The following PIK3R4 variants were observed in gnomAD, a reference collection of about 807,000 sequenced individuals.
PIK3R4 encodes the protein phosphoinositide 3-kinase regulatory subunit 4.
A neutral mutation model predicts 136.5 loss-of-function variants in PIK3R4; 46 were observed. The ratio of observed to expected loss-of-function variants is 0.34; its 90% CI spans 0.27 to 0.43. The LOEUF is 0.43. Ranked by LOEUF, PIK3R4 falls within the 20% of genes least tolerant of loss-of-function variation. PIK3R4 has a pLI of 1.00. For missense variants in PIK3R4, 1,331 were observed against 1,649.5 expected (o/e 0.81, Z 3.35); for synonymous variants, 557 against 566.7 (o/e 0.98, Z 0.24).
chr3:130,690,607 G>A lies in PIK3R4; in HGVS notation c.3146C>T (p.Thr1049Ile). The A allele has an allele frequency of 1.9e-6, 3 of 1,611,256 alleles. No homozygotes were observed. The highest frequency in any genetic ancestry group is 2.5e-6 in the Non-Finnish European group (3 of 1,177,658). The change falls in exon 14 of 20, where the codon ACA becomes ATA. Residue 1049 changes from threonine (T) to isoleucine (I), a missense_variant. This residue lies in a region of PIK3R4 where 1,180 missense variants were observed against 1,407.0 expected (regional missense o/e 0.84). Transcript: ENST00000356763. ...TAAATAGTGGGAGCCTTGGCAGAAT[G>A]TGAGCGTCTTGACTCGTCCTCCAAT... is the stretch of plus-strand genomic sequence containing the variant. ...SRIGGRVKTL[T>I]FCQGSHYLAI...
Position 130,716,514 on chromosome 3 carries a change from A to G in PIK3R4, c.2213T>C (p.Ile738Thr), listed in dbSNP as rs758699611. Residue 738 changes from isoleucine to threonine, a missense_variant, in exon 9 of 20, where the codon ATT (isoleucine) becomes ACT (threonine). By Grantham distance (89) the Ile-to-Thr change is moderately conservative. Coordinates refer to ENST00000356763, the MANE Select transcript of PIK3R4 (RefSeq NM_014602.3). The stretch of plus-strand genomic sequence containing the variant: ...GTGAAGATGTCTGAACAAGCTAGTA[A>G]TATCTTTAGACCTCAAAGCATAATC... ...IFDYALRSKD[I>T]TSLFRHLHMR... The G allele has an allele frequency of 1.9e-6, 3 of 1,613,902 alleles. No homozygotes were observed. The highest frequency in any genetic ancestry group is 2.2e-5 in the East Asian group (1 of 44,874).
At chr3:130,742,829 T>A (rs2066831703) in intron 2 of PIK3R4, among the ~76,000 whole-genome samples, 1 of 152,200 alleles carries the variant, frequency 6.6e-6, no homozygotes, top group African/African-American at 2.4e-5. Context: ...TCTATCAGAG[T>A]ACCACTCTCA....
chr3:130,717,782 C>T lies in PIK3R4; in HGVS notation c.2127+607G>A, dbSNP rs539794654. Among the ~76,000 whole-genome samples the T allele has an allele frequency of 4.1e-4, 62 of 152,252 alleles. 1 individual carries two copies. The highest frequency in any genetic ancestry group is 1.0e-3 in the African/African-American group (42 of 41,548). On this transcript the variant is annotated intron_variant, in intron 8 of 19. Coordinates refer to ENST00000356763, the MANE Select transcript of PIK3R4 (RefSeq NM_014602.3). ...TGTTTTAACAGCTAGAATCGTCCTTCGCCATTTCAATCCATTTAATGCCTA... is the reference window on the plus strand; with the variant it reads ...TGTTTTAACAGCTAGAATCGTCCTTTGCCATTTCAATCCATTTAATGCCTA...
intron 13 of PIK3R4, among the ~76,000 whole-genome samples, chr3:130,692,096 C>T (rs1251892964): frequency 1.3e-5 from 2 of 151,816 alleles, no homozygotes; most frequent in East Asian, 1.9e-4. Flanking sequence ...AGAATGGTCT[C>T]GATCTCCCAA....
chr3:130,709,275 A>T (rs2066621987), intron 9 of PIK3R4, among the ~76,000 whole-genome samples: 1 of 152,168 alleles, frequency 6.6e-6, no homozygotes, highest in East Asian at 1.9e-4. Flanking sequence ...TATTCTGGTA[A>T]ATGTGGCAGC....
chr3:130,712,049 T>G (rs886307355), intron 9 of PIK3R4, among the ~76,000 whole-genome samples: 2 of 152,182 alleles, frequency 1.3e-5, no homozygotes, highest in African/African-American at 4.8e-5. Flanking sequence ...TGTAGATGGA[T>G]CTAATGAAAA....
intron 13 of PIK3R4, among the ~76,000 whole-genome samples, chr3:130,698,903 T>C (rs1282202091): frequency 1.3e-5 from 2 of 152,252 alleles, no homozygotes; most frequent in East Asian, 3.8e-4. Flanking sequence ...ACCTAATAAC[T>C]GGCAGGTATT....
At position 130,737,475 on chromosome 3, in the gene PIK3R4, C is replaced by T. The variant is rs150012802; in HGVS notation, c.734-1473G>A. ...AGGAGTTCGAGACCAGCCTGGCCAACACAGTGAAACCCTATCTCTACTGAA... is the reference window on the plus strand; with the variant it reads ...AGGAGTTCGAGACCAGCCTGGCCAATACAGTGAAACCCTATCTCTACTGAA... On this transcript the variant is annotated intron_variant, in intron 2 of 19. Transcript: ENST00000356763. Among the ~76,000 whole-genome samples, 1,286 of 152,278 alleles carry T rather than the reference C, an allele frequency of 8.4e-3. 19 individuals carry two copies. The highest frequency in any genetic ancestry group is 0.052 in the East Asian group (269 of 5,180).
intron 9 of PIK3R4, among the ~76,000 whole-genome samples, chr3:130,715,571 G>A (rs190610549): frequency 1.3e-5 from 2 of 152,122 alleles, no homozygotes; most frequent in Admixed American, 6.5e-5. Flanking sequence ...TTTGAAAAGT[G>A]TCTATTCATA....
chr3:130,684,194 A>G, intron 16 of PIK3R4, 56 bp downstream of exon 16: 1 of 1,523,782 alleles, frequency 6.6e-7, no homozygotes, highest in Non-Finnish European at 9.1e-7. Flanking sequence ...GCAACAGGTT[A>G]TTATGTACTT....
Position 130,709,503 on chromosome 3 carries a change from T to C in PIK3R4, c.2332-1011A>G, listed in dbSNP as rs117948149. Among the ~76,000 whole-genome samples the C allele has an allele frequency of 7.3e-4, 111 of 152,246 alleles. 4 individuals carry two copies. The East Asian group carries it at 0.015, about 21-fold the overall frequency. ...CTAAAAAACATGAAATAAAATTGCA[T>C]TAAAGTACAATAATAATAGACATAT... On this transcript the variant is annotated intron_variant, in intron 9 of 19. Transcript: ENST00000356763.
chr3:130,711,592 T>C (rs562861568), intron 9 of PIK3R4, among the ~76,000 whole-genome samples: 1 of 152,352 alleles, frequency 6.6e-6, no homozygotes, highest in South Asian at 2.1e-4. Flanking sequence ...TTGGGAACAG[T>C]GCAAGACCTC....
rs142221777 is a variant in PIK3R4, at chr3:130,681,087, G to A, written c.3709-22C>T. 259 of 1,309,030 alleles carry A rather than the reference G, an allele frequency of 2.0e-4. 2 individuals are homozygous for A. In the East Asian group the frequency reaches 5.8e-3, roughly 29 times the overall value. The allele number at this position is 1,309,030 out of a possible 1,614,324, so 81.1% of individuals were successfully genotyped here. A position where few individuals can be genotyped will look rare whatever the true frequency, so the allele number is the denominator to read the frequency against. On this transcript the variant is annotated intron_variant, in intron 17 of 19. Transcript: ENST00000356763. The stretch of plus-strand genomic sequence containing the variant: ...AAGGCTTAAAAGAAATAGATGTGGA[G>A]TCAAATAAAAGACATCCGTGTATTC...
chr3:130,709,771 C>T (rs2066624727), intron 9 of PIK3R4, among the ~76,000 whole-genome samples: 1 of 152,076 alleles, frequency 6.6e-6, no homozygotes, highest in Non-Finnish European at 1.5e-5. Flanking sequence ...AGAAGCCAGA[C>T]ACAGAAGGCC....
intron 15 of PIK3R4, among the ~76,000 whole-genome samples, chr3:130,685,846 A>G (rs933743074): frequency 1.3e-5 from 2 of 152,166 alleles, no homozygotes; most frequent in Admixed American, 6.5e-5. Flanking sequence ...GCCTAAAGCT[A>G]TTGGAATTTA....
intron 6 of PIK3R4, 126 bp downstream of exon 6, chr3:130,728,337 C>T (rs2066744288): frequency 1.5e-6 from 1 of 652,196 alleles, no homozygotes. Flanking sequence ...AGCATGAAGA[C>T]AGAAATACTA....
intron 14 of PIK3R4, among the ~76,000 whole-genome samples, chr3:130,690,229 G>GC (rs1231748108): frequency 6.6e-6 from 1 of 152,128 alleles, no homozygotes; most frequent in Non-Finnish European, 1.5e-5. Context: ...GTTCAAAGCT[G>GC]CCCCTTTGAC....
rs1559818220 is a variant in PIK3R4 at position 130,680,658 on chromosome 3, A to T, written c.3861T>A (p.Ser1287=). The change falls in exon 19 of 20, where the codon TCT becomes TCA. Residue 1287 remains serine (S), a synonymous_variant. Transcript: ENST00000356763. ...YVVAGSTSSP[S]VSYYRKIIEG... is the part of the protein sequence containing the mutation. ...CAATTATTTTCCTGTAGTAGGACAC[A>T]GATGGGGAACTAGTACTTCCTGCAA... 1 of 1,613,200 alleles carries T rather than the reference A, an allele frequency of 6.2e-7. No individual in the cohort carries two copies. The highest frequency in any genetic ancestry group is 1.7e-5 in the Admixed American group (1 of 60,022).
At chr3:130,721,546 T>C (rs967767130) in intron 7 of PIK3R4, among the ~76,000 whole-genome samples, 3 of 152,082 alleles carry the variant, frequency 2.0e-5, no homozygotes, top group African/African-American at 7.2e-5. Flanking sequence ...ACAACTAAAA[T>C]ACTACTCAGC....
Sources: allele counts gnomAD v4.1 joint callset (sites outside exome capture counted in the v4.1 genomes callset), GRCh38; gene constraint gnomAD v4.1.1; regional missense constraint gnomAD v4.1.1; transcripts MANE v1.5; gene names NCBI Gene and HGNC (gene_info 2026-07-23, HGNC 2026-07-21).